SSUH2: variants seen among roughly 807,000 people sequenced by gnomAD.
SSUH2 encodes the protein protein SSUH2 homolog.
In SSUH2, 47 loss-of-function variants were observed where a neutral mutation model predicts 55.3. The ratio of observed to expected loss-of-function variants is 0.85; its 90% CI spans 0.67 to 1.08. The LOEUF (loss-of-function observed/expected upper bound fraction) is 1.08. Among genes scored for constraint, SSUH2 ranks in the 50% least tolerant of loss-of-function variants. The pLI is 0.00. For missense variants in SSUH2, 535 were observed against 490.7 expected (o/e 1.09, Z -0.85); for synonymous variants, 212 against 191.5 (o/e 1.11, Z -0.89).
At chr3:8,657,708 T>C (rs1703073062) in intron 7 of SSUH2, among the ~76,000 whole-genome samples, 1 of 151,952 alleles carries the variant, frequency 6.6e-6, no homozygotes, top group African/African-American at 2.4e-5. Flanking sequence ...AAGAGGTGAG[T>C]ATAGAAGGAA....
intron 7 of SSUH2, among the ~76,000 whole-genome samples, chr3:8,653,517 C>A (rs1702639424): frequency 6.6e-6 from 1 of 152,198 alleles, no homozygotes; most frequent in African/African-American, 2.4e-5. Context: ...ATATGGATAT[C>A]TTTCTGTGTC....
chr3:8,666,971 T>C (rs989926932), intron 5 of SSUH2, among the ~76,000 whole-genome samples: 7 of 152,204 alleles, frequency 4.6e-5, no homozygotes, highest in African/African-American at 1.7e-4. Flanking sequence ...AGAGCTTCCA[T>C]GCCCTCCCAT....
chr3:8,630,731 A>ATTC, intron 6 of SSUH2, 74 bp downstream of exon 6: 1 of 1,302,278 alleles, frequency 7.7e-7, no homozygotes, highest in East Asian at 2.8e-5. Context: ...GATGAGTTTG[A>ATTC]GGAAACATGC....
At chr3:8,633,818 G>A (rs1699383870) in intron 3 of SSUH2, 23 bp from the exon 4 acceptor site, 1 of 1,612,272 alleles carries the variant, frequency 6.2e-7, no homozygotes, top group African/African-American at 1.3e-5. Context: ...GAACAGAGAG[G>A]CGGGGGCTTC....
At chr3:8,663,735 C>T (rs377445644) in intron 6 of SSUH2, 3 of 452,052 alleles carry the variant, frequency 6.6e-6, no homozygotes, top group Admixed American at 2.4e-5. Context: ...GGTCCATAGA[C>T]GCTCTTACCT....
At position 8,663,475 on chromosome 3, in the gene SSUH2, G is replaced by C. The variant is rs150564453; in HGVS notation, c.-396+269C>G. ...CCTGATAGTTTCATCAGGGCTTTGT[G>C]AGAAACAAACACAAAGCGACAGAAA... On this transcript the variant is annotated intron_variant, in intron 6 of 18. Transcript: ENST00000317371. Among the ~76,000 whole-genome samples the C allele has an allele frequency of 1.6e-4, 25 of 151,948 alleles. 1 individual carries two copies. Among genetic ancestry groups the C allele is most frequent in the African/African-American group, 5.1e-4 (21 of 41,430 alleles).
chr3:8,646,081 T>C (rs1047238436), upstream of SSUH2, among the ~76,000 whole-genome samples: 20 of 152,166 alleles, frequency 1.3e-4, no homozygotes, highest in African/African-American at 4.6e-4. Flanking sequence ...CCTTTATACA[T>C]GAAGCAATGA....
At chr3:8,641,649 C>G (rs553639772) in intron 1 of SSUH2, among the ~76,000 whole-genome samples, 1 of 152,230 alleles carries the variant, frequency 6.6e-6, no homozygotes, top group African/African-American at 2.4e-5. Context: ...ACCAGATGGG[C>G]CCCTAGAGGC....
At chr3:8,666,079 A>G (rs1268107857) in intron 5 of SSUH2, among the ~76,000 whole-genome samples, 1 of 152,228 alleles carries the variant, frequency 6.6e-6, no homozygotes, top group East Asian at 1.9e-4. Context: ...AAGACTGAAC[A>G]TGTGAGAAAG....
intron 1 of SSUH2, 132 bp from the exon 2 acceptor site, chr3:8,635,989 C>T (rs1699862909): frequency 4.3e-6 from 3 of 689,982 alleles, no homozygotes; most frequent in Non-Finnish European, 7.2e-6. Flanking sequence ...ACTCTGGCAT[C>T]CTTAGGACAC....
At chr3:8,634,114 A>G in intron 3 of SSUH2, 1 of 733,874 alleles carries the variant, frequency 1.4e-6, no homozygotes, top group South Asian at 1.9e-5. Context: ...ATAGATAAGA[A>G]AAACAGAGGT....
rs1248092368 is a variant in SSUH2, at chr3:8,623,500, A to G, written c.981+49T>C. ...ACGTTCTCAGGAAAGAGGGCTCAGC[A>G]GCCCAGGAAGAGACGTCAGAGCCAG... On this transcript the variant is annotated intron_variant, in intron 11 of 11. Transcript: ENST00000544814. 9.0e-6 allele frequency: 10 copies of G among 1,107,498 alleles called. No homozygotes were observed. In the Admixed American group the frequency reaches 2.0e-4, roughly 22 times the overall value. 68.6% of individuals were successfully genotyped at this position (1,107,498 alleles called of 1,614,324 possible).
At chr3:8,674,808 CTT>C (rs1705044139) in intron 3 of SSUH2, among the ~76,000 whole-genome samples, 1 of 152,122 alleles carries the variant, frequency 6.6e-6, no homozygotes, top group African/African-American at 2.4e-5. Flanking sequence ...GGAATGGAGA[CTT>C]TTCTGAACTG....
chr3:8,654,313 G>A lies in SSUH2; in HGVS notation c.-307+4612C>T, dbSNP rs145986525. Among the ~76,000 whole-genome samples the A allele has an allele frequency of 2.6e-5, 4 of 152,332 alleles. No homozygotes were observed. In the East Asian group the frequency reaches 7.7e-4, roughly 29 times the overall value. On this transcript the variant is annotated intron_variant, in intron 7 of 18. Coordinates refer to the SSUH2 transcript ENST00000317371. ...TCTCCAAATACTATCACATTAGGGGGTAGGGCTTCAACAGATGAATTTTCA... is the reference window on the plus strand; with the variant it reads ...TCTCCAAATACTATCACATTAGGGGATAGGGCTTCAACAGATGAATTTTCA...
intron 5 of SSUH2, among the ~76,000 whole-genome samples, chr3:8,666,012 ATTAAG>A (rs1209682907): frequency 1.3e-5 from 2 of 152,192 alleles, no homozygotes; most frequent in Non-Finnish European, 2.9e-5. Flanking sequence ...AGCCCACTTG[ATTAAG>A]TTGTCTTAGA....
intron 10 of SSUH2, among the ~76,000 whole-genome samples, 157 bp from the exon 11 acceptor site, chr3:8,623,813 CAG>C (rs1051298363): frequency 1.2e-4 from 18 of 152,154 alleles, no homozygotes; most frequent in African/African-American, 4.3e-4. Flanking sequence ...AACAGGAAAA[CAG>C]GGGGCCTGCA....
chr3:8,656,811 C>T (rs1316587831), intron 7 of SSUH2, among the ~76,000 whole-genome samples: 3 of 152,118 alleles, frequency 2.0e-5, no homozygotes, highest in African/African-American at 4.8e-5. Flanking sequence ...CTGGCTCCCA[C>T]GATGAGTCTG....
intron 1 of SSUH2, chr3:8,640,027 G>A: frequency 1.0e-6 from 1 of 985,154 alleles, no homozygotes; most frequent in Non-Finnish European, 1.2e-6. Flanking sequence ...AGATTCAGGT[G>A]GTCAAACTCA....
chr3:8,638,839 C>T (rs1010900303), intron 1 of SSUH2, among the ~76,000 whole-genome samples: 1 of 152,224 alleles, frequency 6.6e-6, no homozygotes, highest in African/African-American at 2.4e-5. Context: ...GATGGCCCCC[C>T]ACCCACCCAC....
Sources: allele counts gnomAD v4.1 joint callset (sites outside exome capture counted in the v4.1 genomes callset), GRCh38; gene constraint gnomAD v4.1.1; transcripts MANE v1.5; gene names NCBI Gene and HGNC (gene_info 2026-07-23, HGNC 2026-07-21).